The following C8orf34 variants were observed in gnomAD, a reference collection of about 807,000 sequenced individuals.
The protein encoded by C8orf34 is chromosome 8 open reading frame 34.
C8orf34 carries 65 observed loss-of-function variants against 68.3 expected under a neutral mutation model. The ratio of observed to expected loss-of-function variants is 0.95; its 90% CI spans 0.78 to 1.17. The LOEUF is 1.17. Ranked by LOEUF, C8orf34 falls within the 50% of genes most tolerant of loss-of-function variation. The pLI, the probability that C8orf34 is intolerant of heterozygous loss-of-function variation, is 0.00. For synonymous variants in C8orf34, 244 were observed against 241.2 expected (o/e 1.01, Z -0.11); for missense variants, 664 against 655.4 (o/e 1.01, Z -0.14).
chr8:68,572,734 T>C (rs1005541555), intron 7 of C8orf34, among the ~76,000 whole-genome samples: 2 of 152,108 alleles, frequency 1.3e-5, no homozygotes, highest in Non-Finnish European at 2.9e-5. Context: ...ATAAACAGTA[T>C]GTTTGGGTTT....
intron 10 of C8orf34, among the ~76,000 whole-genome samples, chr8:68,757,257 T>C (rs974610371): frequency 7.9e-5 from 12 of 152,134 alleles, no homozygotes; most frequent in Non-Finnish European, 1.6e-4. Context: ...CCCTCCAGAT[T>C]ATCTAATGGA....
chr8:68,345,235 A>T (rs1806231794), intron 1 of C8orf34, among the ~76,000 whole-genome samples: 1 of 152,048 alleles, frequency 6.6e-6, no homozygotes, highest in Non-Finnish European at 1.5e-5. Flanking sequence ...AAAAATATTT[A>T]CTAATAAAAT....
At chr8:68,531,689 C>A (rs1815253066) in intron 6 of C8orf34, among the ~76,000 whole-genome samples, 1 of 151,984 alleles carries the variant, frequency 6.6e-6, no homozygotes, top group African/African-American at 2.4e-5. Flanking sequence ...AGTCGTGTCA[C>A]TTCTGCTTGG....
At position 68,807,877 on chromosome 8, in the gene C8orf34, A is replaced by T. The variant is rs114539481; in HGVS notation, c.1550-8009A>T. 3.3e-3 allele frequency among the ~76,000 whole-genome samples: 502 copies of T among 152,336 alleles called. 3 individuals carry two copies. Among genetic ancestry groups the T allele is most frequent in the African/African-American group, 0.011 (477 of 41,584 alleles). Reference sequence around the variant, plus strand: ...CTTTATTCCTTGAGAGGGCTGGTATATTTCCATTTTACCCTTACTCCTCCA... The same window carrying T: ...CTTTATTCCTTGAGAGGGCTGGTATTTTTCCATTTTACCCTTACTCCTCCA... On this transcript the variant is annotated intron_variant, in intron 12 of 13. Transcript: ENST00000518698.
chr8:68,589,307 G>A (rs899384766), intron 7 of C8orf34, among the ~76,000 whole-genome samples: 1 of 151,846 alleles, frequency 6.6e-6, no homozygotes, highest in Admixed American at 6.6e-5. Flanking sequence ...TATTTAGCCA[G>A]AAATATTTGT....
At chr8:68,534,828 C>T in intron 7 of C8orf34, 1 of 985,396 alleles carries the variant, frequency 1.0e-6, no homozygotes, top group Non-Finnish European at 1.2e-6. Context: ...GCTGCCCTGA[C>T]TGAAGGTTCT....
chr8:68,793,554 C>A (rs201557777), intron 12 of C8orf34, among the ~76,000 whole-genome samples: 9 of 114,544 alleles, frequency 7.9e-5, no homozygotes, highest in African/African-American at 3.3e-4. Flanking sequence ...CTCAGCAAAC[C>A]AACGCAAAGA....
intron 1 of C8orf34, among the ~76,000 whole-genome samples, chr8:68,346,267 CTT>C (rs76583643): frequency 2.5e-4 from 33 of 133,448 alleles, no homozygotes; most frequent in East Asian, 1.1e-3. Context: ...ATCTCCCTAC[CTT>C]TTTTTTTTTT....
At chr8:68,461,493 A>T (rs1247306329) in intron 3 of C8orf34, among the ~76,000 whole-genome samples, 1 of 152,162 alleles carries the variant, frequency 6.6e-6, no homozygotes, top group Non-Finnish European at 1.5e-5. Context: ...TAATTGTCAG[A>T]TTCACCAAAG....
intron 5 of C8orf34, among the ~76,000 whole-genome samples, chr8:68,491,437 C>T (rs1394415669): frequency 6.6e-6 from 1 of 152,134 alleles, no homozygotes; most frequent in Non-Finnish European, 1.5e-5. Flanking sequence ...AAGGTGTAAT[C>T]AGGGCTGCCT....
intron 12 of C8orf34, among the ~76,000 whole-genome samples, chr8:68,811,127 G>C (rs889817847): frequency 3.9e-5 from 6 of 152,196 alleles, no homozygotes; most frequent in Admixed American, 3.3e-4. Flanking sequence ...GCTGCCCTCA[G>C]CACCCCCTCG....
chr8:68,626,977 T>C (rs889412798), intron 7 of C8orf34, among the ~76,000 whole-genome samples: 1 of 152,154 alleles, frequency 6.6e-6, no homozygotes, highest in Non-Finnish European at 1.5e-5. Flanking sequence ...TCCAGAGAAG[T>C]GTCCTGGGAG....
intron 3 of C8orf34, among the ~76,000 whole-genome samples, chr8:68,460,558 G>T (rs1811765727): frequency 6.6e-6 from 1 of 152,172 alleles, no homozygotes; most frequent in Non-Finnish European, 1.5e-5. Context: ...GCGGCAGACT[G>T]ACACCTCACA....
intron 8 of C8orf34, among the ~76,000 whole-genome samples, chr8:68,654,884 A>G (rs925642943): frequency 2.6e-5 from 4 of 152,182 alleles, no homozygotes; most frequent in Non-Finnish European, 4.4e-5. Flanking sequence ...AGTGTCAAGA[A>G]TATTTTGAAA....
intron 7 of C8orf34, among the ~76,000 whole-genome samples, chr8:68,600,507 A>G (rs1246834449): frequency 6.6e-6 from 1 of 152,142 alleles, no homozygotes; most frequent in Non-Finnish European, 1.5e-5. Flanking sequence ...CTGTTAGGAT[A>G]GGTTTGTTAG....
chr8:68,535,643 A>G (rs1815433315), intron 7 of C8orf34: 1 of 677,892 alleles, frequency 1.5e-6, no homozygotes, highest in Non-Finnish European at 1.8e-6. Flanking sequence ...GTTTAATTAT[A>G]TATTTGTGGA....
At chr8:68,406,783 C>T (rs890808450) in intron 1 of C8orf34, among the ~76,000 whole-genome samples, 1 of 152,186 alleles carries the variant, frequency 6.6e-6, no homozygotes, top group Non-Finnish European at 1.5e-5. Flanking sequence ...GCATGAGCCA[C>T]CACGTCCGAC....
rs1290785155 is a variant in C8orf34, at chr8:68,591,986, C to A, written c.1106-48390C>A. Reference sequence around the variant, plus strand: ...GGTGACATTATTATTAAAAGGAACCCCCCAAATAAGATAATCTTTTTATGA... The same window carrying A: ...GGTGACATTATTATTAAAAGGAACCACCCAAATAAGATAATCTTTTTATGA... On this transcript the variant is annotated intron_variant, in intron 7 of 13. Transcript: ENST00000518698. Among the ~76,000 whole-genome samples the A allele has an allele frequency of 2.0e-5, 3 of 152,050 alleles. No individual in the cohort carries two copies. In the East Asian group the frequency reaches 5.8e-4, roughly 29 times the overall value.
chr8:68,574,472 T>A (rs1816846236), intron 7 of C8orf34, among the ~76,000 whole-genome samples: 1 of 152,096 alleles, frequency 6.6e-6, no homozygotes, highest in African/African-American at 2.4e-5. Context: ...TTCCCATTTT[T>A]AAAAATTTAG....
Sources: allele counts gnomAD v4.1 joint callset (sites outside exome capture counted in the v4.1 genomes callset), GRCh38; gene constraint gnomAD v4.1.1; transcripts MANE v1.5; gene names NCBI Gene and HGNC (gene_info 2026-07-23, HGNC 2026-07-21).